Variants in TNRC18 observed in about 807,000 individuals in gnomAD.
The protein encoded by TNRC18 is trinucleotide repeat-containing gene 18 protein.
In TNRC18, 69 loss-of-function variants were observed where a neutral mutation model predicts 226.7. The ratio of observed to expected loss-of-function variants is 0.30; its 90% confidence interval spans 0.25 to 0.37. The LOEUF (loss-of-function observed/expected upper bound fraction) is 0.37. TNRC18 is among the 10% of genes least tolerant of loss of function. The pLI is 1.00. For missense variants in TNRC18, 4,754 were observed against 4,256.6 expected, an observed-to-expected ratio of 1.12 and a Z score of -3.25; for synonymous variants, 2,449 against 1,927.6, an observed-to-expected ratio of 1.27 and a Z score of -7.09.
intron 21 of TNRC18, among the ~76,000 whole-genome samples, chr7:5,322,017 C>CACCTGTAAT (rs1211611279): frequency 2.0e-5 from 3 of 151,880 alleles, no homozygotes; most frequent in Non-Finnish European, 4.4e-5. Context: ...CGATGGCTCA[C>CACCTGTAAT]ACCTGTAATC....
chr7:5,349,562 G>A (rs1791566496), intron 17 of TNRC18, among the ~76,000 whole-genome samples: 1 of 152,202 alleles, frequency 6.6e-6, no homozygotes, highest in Non-Finnish European at 1.5e-5. Context: ...GAGGAGGGAG[G>A]TGCACGGAGG....
chr7:5,381,243 C>G (rs867138505), intron 5 of TNRC18, among the ~76,000 whole-genome samples: 1 of 152,342 alleles, frequency 6.6e-6, no homozygotes. Flanking sequence ...CTTGGCCGGG[C>G]CCCTCCTCTA....
chr7:5,369,090 G>C (rs982770356), intron 11 of TNRC18, among the ~76,000 whole-genome samples: 21 of 152,294 alleles, frequency 1.4e-4, no homozygotes, highest in African/African-American at 3.9e-4. Context: ...GCTCACACCT[G>C]TAATCCCAGC....
At chr7:5,403,951 G>C (rs1207146290) in intron 2 of TNRC18, among the ~76,000 whole-genome samples, 2 of 152,160 alleles carry the variant, frequency 1.3e-5, no homozygotes, top group Non-Finnish European at 1.5e-5. Flanking sequence ...TAAAAATCCT[G>C]CAAGGACCCT....
At chr7:5,411,659 G>A (rs1054267201) in intron 2 of TNRC18, among the ~76,000 whole-genome samples, 1 of 151,882 alleles carries the variant, frequency 6.6e-6, no homozygotes, top group Admixed American at 6.6e-5. Context: ...GAAAGCCACC[G>A]CAGGATGTGC....
chr7:5,402,178 CAAAAAAAAAAA>C (rs35794476), intron 2 of TNRC18, among the ~76,000 whole-genome samples: 1 of 71,336 alleles, frequency 1.4e-5, no homozygotes, highest in Non-Finnish European at 2.5e-5. Context: ...GACTCTGTCT[CAAAAAAAAAAA>C]AAAAAAAAAA....
chr7:5,363,463 G>T (rs1473671701), intron 11 of TNRC18, among the ~76,000 whole-genome samples: 4 of 152,204 alleles, frequency 2.6e-5, no homozygotes, highest in Admixed American at 1.3e-4. Context: ...AATTAGCCGG[G>T]TGTGGTGGCG....
At chr7:5,308,673 C>T (rs1482857276) in intron 29 of TNRC18, among the ~76,000 whole-genome samples, 1 of 152,136 alleles carries the variant, frequency 6.6e-6, no homozygotes, top group Non-Finnish European at 1.5e-5. Context: ...ACTGGGAGAG[C>T]AGAGAAGACC....
intron 24 of TNRC18, among the ~76,000 whole-genome samples, chr7:5,316,922 A>G (rs1787905392): frequency 6.6e-6 from 1 of 152,136 alleles, no homozygotes; most frequent in African/African-American, 2.4e-5. Flanking sequence ...AACACTGAAC[A>G]GGCTGAGGGT....
intron 5 of TNRC18, among the ~76,000 whole-genome samples, chr7:5,385,982 CAAAAAAA>C (rs1160231238): frequency 2.4e-5 from 1 of 41,530 alleles, no homozygotes; most frequent in Admixed American, 3.6e-4. Context: ...AAGTCTGTCT[CAAAAAAA>C]AAAAAAAAAA....
At chr7:5,342,183 C>T (rs931793128) in intron 18 of TNRC18, among the ~76,000 whole-genome samples, 31 of 152,180 alleles carry the variant, frequency 2.0e-4, no homozygotes, top group Non-Finnish European at 3.5e-4. Flanking sequence ...AACCCCAGCA[C>T]TTTGGGAGGC....
At chr7:5,387,625 G>A (rs142955805) in intron 5 of TNRC18, 47 bp downstream of exon 5, 18,698 of 1,595,276 alleles carry the variant, frequency 0.012, 143 homozygotes, top group Non-Finnish European at 0.013. Context: ...GGAAACGGCA[G>A]AGAGACCCAA....
chr7:5,350,966 A>G (rs1382979665), intron 17 of TNRC18, among the ~76,000 whole-genome samples: 1 of 152,232 alleles, frequency 6.6e-6, no homozygotes, highest in African/African-American at 2.4e-5. Flanking sequence ...ACGTGAGAAG[A>G]CAAGTGTTTG....
intron 19 of TNRC18, 167 bp from the exon 20 acceptor site, chr7:5,325,415 T>G: frequency 4.0e-6 from 3 of 749,332 alleles, no homozygotes; most frequent in South Asian, 2.0e-5. Flanking sequence ...TTTTTGGTTT[T>G]GGGTTTTTTT....
In TNRC18 at chr7:5,307,622, T is replaced by C. The variant is rs753152356; in HGVS notation, c.*484A>G. On this transcript the variant is annotated 3_prime_UTR_variant, in exon 30 of 30. Coordinates refer to ENST00000430969, the MANE Select transcript of TNRC18 (RefSeq NM_001080495.3). ...TCAGGTAGGCCAGCTGGCATCGGGC[T>C]GCCCTGTCCCATGCACGGTGGGAGG... The C allele has an allele frequency of 1.0e-4, 44 of 431,450 alleles. No homozygotes were observed. The highest frequency in any genetic ancestry group is 6.8e-4 in the South Asian group (42 of 61,314). The allele number at this position is 431,450 out of a possible 1,614,324, so 26.7% of individuals were successfully genotyped here. A position where few individuals can be genotyped will look rare whatever the true frequency, so the allele number is the denominator to read the frequency against.
At chr7:5,368,364 A>AACATTTTAATTAATATTTAATAAAGG in intron 11 of TNRC18, among the ~76,000 whole-genome samples, 1 of 152,036 alleles carries the variant, frequency 6.6e-6, no homozygotes, top group East Asian at 1.9e-4. Context: ...TTTAATAAAG[A>AACATTTTAATTAATATTTAATAAAGG]ACATTTTAAG....
chr7:5,367,085 C>T (rs1485587090), intron 11 of TNRC18, among the ~76,000 whole-genome samples: 1 of 152,162 alleles, frequency 6.6e-6, no homozygotes, highest in Non-Finnish European at 1.5e-5. Flanking sequence ...GAATTCTGGG[C>T]TGGGTGCAGT....
chr7:5,420,637 G>T (rs775389985), intron 2 of TNRC18: 11 of 461,964 alleles, frequency 2.4e-5, no homozygotes, highest in South Asian at 1.5e-4. Context: ...AACCCAGGAG[G>T]GCCCACGAGC....
chr7:5,399,791 G>A (rs1486664499), intron 2 of TNRC18, among the ~76,000 whole-genome samples: 1 of 152,140 alleles, frequency 6.6e-6, no homozygotes, highest in African/African-American at 2.4e-5. Context: ...GCCTAGGCGG[G>A]TGGATCGTGG....
Sources: gnomAD v4.1 joint callset for allele counts (sites outside exome capture counted in the v4.1 genomes callset) on GRCh38, gnomAD v4.1.1 for gene constraint, MANE v1.5 for transcripts, NCBI Gene and HGNC (gene_info 2026-07-23, HGNC 2026-07-21) for gene names.